The following GALNT13 variants were observed in gnomAD, a reference collection of about 807,000 sequenced individuals.
GALNT13 encodes polypeptide N-acetylgalactosaminyltransferase 13, also known as UDP-GalNAc:polypeptide N-acetylgalactosaminyltransferase 13.
A neutral mutation model predicts 64.2 loss-of-function variants in GALNT13; 28 were observed. The observed-to-expected ratio is 0.44, with a 90% CI of 0.32 to 0.60. The LOEUF is 0.60. Among genes scored for constraint, GALNT13 ranks in the 20% least tolerant of loss-of-function variants. GALNT13 has a pLI of 0.05. For synonymous variants in GALNT13, 214 were observed against 224.6 expected, an observed-to-expected ratio of 0.95 and a Z score of 0.42; for missense variants, 577 against 669.8, an observed-to-expected ratio of 0.86 and a Z score of 1.53.
chr2:153,993,923 GTTA>G (rs934784548), intron 3 of GALNT13, among the ~76,000 whole-genome samples: 66 of 151,168 alleles, frequency 4.4e-4, no homozygotes, highest in African/African-American at 1.4e-3. Context: ...TCTTTTTTTT[GTTA>G]TTATTATACT....
chr2:153,497,144 T>C, the GALNT13 span, among the ~76,000 whole-genome samples: 1 of 152,180 alleles, frequency 6.6e-6, no homozygotes, highest in Non-Finnish European at 1.5e-5. Context: ...CTGTTGGCTT[T>C]TTAATAGCCA....
chr2:153,659,449 T>C, the GALNT13 span, among the ~76,000 whole-genome samples: 2 of 152,164 alleles, frequency 1.3e-5, no homozygotes, highest in African/African-American at 4.8e-5. Context: ...CCTCTGTTCA[T>C]ATCTTTGCCT....
chr2:153,906,065 A>T (rs1161371955), intron 2 of GALNT13, among the ~76,000 whole-genome samples: 1 of 151,796 alleles, frequency 6.6e-6, no homozygotes, highest in Non-Finnish European at 1.5e-5. Context: ...TTATTTCTGG[A>T]ATTTTCCATT....
At chr2:154,153,813 G>T (rs1020636263) in intron 4 of GALNT13, among the ~76,000 whole-genome samples, 12 of 152,222 alleles carry the variant, frequency 7.9e-5, no homozygotes, top group Non-Finnish European at 1.0e-4. Flanking sequence ...GGAGTGACCC[G>T]ATTTTCCAGG....
At chr2:153,542,111 A>G in the GALNT13 span, among the ~76,000 whole-genome samples, 1 of 152,096 alleles carries the variant, frequency 6.6e-6, no homozygotes, top group South Asian at 2.1e-4. Context: ...TGATGTCAGG[A>G]GTTCAAGACC....
chr2:153,464,980 CAGT>C, the GALNT13 span, among the ~76,000 whole-genome samples: 1 of 152,058 alleles, frequency 6.6e-6, no homozygotes, highest in South Asian at 2.1e-4. Context: ...ATAGGCAACA[CAGT>C]AGTATGAATT....
chr2:153,164,700 A>T, the GALNT13 span, among the ~76,000 whole-genome samples: 3 of 152,100 alleles, frequency 2.0e-5, no homozygotes, highest in Non-Finnish European at 2.9e-5. Context: ...TTAACATGAG[A>T]TCTCCTCTTA....
chr2:153,853,329 A>G, the GALNT13 span, among the ~76,000 whole-genome samples: 4 of 152,170 alleles, frequency 2.6e-5, no homozygotes, highest in African/African-American at 9.7e-5. Context: ...ACACCCAGAA[A>G]CAATACTTTG....
chr2:153,326,194 G>C, the GALNT13 span, among the ~76,000 whole-genome samples: 1 of 151,950 alleles, frequency 6.6e-6, no homozygotes, highest in Non-Finnish European at 1.5e-5. Context: ...AGGATAGTTA[G>C]TTCTTCTTGT....
chr2:153,231,680 A>G, the GALNT13 span, among the ~76,000 whole-genome samples: 2 of 152,100 alleles, frequency 1.3e-5, no homozygotes, highest in African/African-American at 4.8e-5. Context: ...CTTATTTATT[A>G]TTCTCTTAGC....
chr2:153,663,526 A>G, the GALNT13 span, among the ~76,000 whole-genome samples: 132 of 152,320 alleles, frequency 8.7e-4, no homozygotes, highest in South Asian at 8.3e-4. Flanking sequence ...CAATAGATCA[A>G]TTTCATTACC....
At chr2:153,514,590 A>T in the GALNT13 span, among the ~76,000 whole-genome samples, 2 of 152,034 alleles carry the variant, frequency 1.3e-5, no homozygotes. Context: ...CTGGGTTCAC[A>T]TCTCCCCTCT....
At chr2:153,343,951 C>T in the GALNT13 span, among the ~76,000 whole-genome samples, 1 of 152,136 alleles carries the variant, frequency 6.6e-6, no homozygotes, top group African/African-American at 2.4e-5. Context: ...CAACCTTTTT[C>T]ACTTAACATA....
At chr2:153,922,826 A>G (rs534765293) in intron 2 of GALNT13, among the ~76,000 whole-genome samples, 56 of 152,166 alleles carry the variant, frequency 3.7e-4, no homozygotes, top group African/African-American at 1.3e-3. Context: ...TCAGAGATAT[A>G]TTATTTAATA....
At chr2:153,905,179 A>G (rs991619662) in intron 2 of GALNT13, among the ~76,000 whole-genome samples, 6 of 151,990 alleles carry the variant, frequency 3.9e-5, no homozygotes, top group Admixed American at 6.6e-5. Context: ...ATAATTGTTT[A>G]GATTTTAGTT....
the GALNT13 span, among the ~76,000 whole-genome samples, chr2:153,767,103 T>C: frequency 6.6e-6 from 1 of 152,122 alleles, no homozygotes; most frequent in African/African-American, 2.4e-5. Context: ...ACCCCATATC[T>C]ATTACTTTGG....
chr2:154,339,431 C>A (rs79230304), intron 9 of GALNT13, among the ~76,000 whole-genome samples: 7 of 152,010 alleles, frequency 4.6e-5, no homozygotes, highest in African/African-American at 1.7e-4. Context: ...TTAGAATTAA[C>A]CCTGTGATGT....
intron 4 of GALNT13, among the ~76,000 whole-genome samples, chr2:154,188,931 A>G (rs564002791): frequency 6.6e-6 from 1 of 152,298 alleles, no homozygotes; most frequent in South Asian, 2.1e-4. Flanking sequence ...AAAAACTGCA[A>G]TCACTTTTGC....
intron 3 of GALNT13, among the ~76,000 whole-genome samples, chr2:153,974,475 G>A (rs1465398766): frequency 2.1e-4 from 32 of 151,978 alleles, no homozygotes; most frequent in Non-Finnish European, 2.9e-5. Flanking sequence ...TATCTATTGA[G>A]TGTTTTTTAT....
Sources: gnomAD v4.1 joint callset for allele counts (sites outside exome capture counted in the v4.1 genomes callset) on GRCh38, gnomAD v4.1.1 for gene constraint, MANE v1.5 for transcripts, NCBI Gene and HGNC (gene_info 2026-07-23, HGNC 2026-07-21) for gene names.